The following PRMT8 variants were observed in gnomAD, a reference collection of about 807,000 sequenced individuals.
The protein encoded by PRMT8 is protein arginine N-methyltransferase 8.
A neutral mutation model predicts 47.1 loss-of-function variants in PRMT8; 7 were observed. That is an observed-to-expected ratio of 0.15 (90% CI 0.08 to 0.28). The LOEUF (loss-of-function observed/expected upper bound fraction) is 0.28. Among genes scored for constraint, PRMT8 ranks in the 10% least tolerant of loss-of-function variants. The pLI is 1.00. For missense variants in PRMT8, 237 were observed against 505.4 expected (o/e 0.47, Z 5.09); for synonymous variants, 188 against 186.5 (o/e 1.01, Z -0.07).
chr12:3,509,889 C>T (rs574130562), intron 1 of PRMT8, among the ~76,000 whole-genome samples: 3 of 152,276 alleles, frequency 2.0e-5, no homozygotes, highest in African/African-American at 4.8e-5. Context: ...AACAGATTTT[C>T]GCATAGACAA....
intron 1 of PRMT8, among the ~76,000 whole-genome samples, chr12:3,450,765 A>C (rs1864907675): frequency 6.6e-6 from 1 of 152,238 alleles, no homozygotes; most frequent in African/African-American, 2.4e-5. Flanking sequence ...ACTATTTTAA[A>C]AAGTGTACTC....
chr12:3,528,705 A>G (rs747250194), intron 1 of PRMT8, among the ~76,000 whole-genome samples: 1 of 151,862 alleles, frequency 6.6e-6, no homozygotes, highest in Non-Finnish European at 1.5e-5. Flanking sequence ...CAAGCCTAGT[A>G]ATTTTTGACT....
At chr12:3,389,337 T>C (rs1864170340) in intron 1 of PRMT8, among the ~76,000 whole-genome samples, 2 of 152,126 alleles carry the variant, frequency 1.3e-5, no homozygotes, top group Admixed American at 1.3e-4. Context: ...ATTCCATGCT[T>C]ATCGCGCTGC....
chr12:3,543,541 C>G (rs1271974328), intron 2 of PRMT8, among the ~76,000 whole-genome samples: 1 of 152,180 alleles, frequency 6.6e-6, no homozygotes, highest in East Asian at 1.9e-4. Flanking sequence ...CCCCACCGGC[C>G]TGCTGATTAA....
chr12:3,524,716 C>T (rs1865927561), intron 1 of PRMT8, among the ~76,000 whole-genome samples: 1 of 151,114 alleles, frequency 6.6e-6, no homozygotes, highest in East Asian at 1.9e-4. Flanking sequence ...AAAATTGTGA[C>T]CCCATGTGTC....
intron 1 of PRMT8, among the ~76,000 whole-genome samples, chr12:3,506,067 G>T (rs1312225596): frequency 6.6e-6 from 1 of 152,212 alleles, no homozygotes; most frequent in African/African-American, 2.4e-5. Context: ...AGTTCTGTGT[G>T]GGGGTTAATT....
intron 1 of PRMT8, among the ~76,000 whole-genome samples, chr12:3,530,381 A>G (rs1866011171): frequency 6.6e-6 from 1 of 152,224 alleles, no homozygotes; most frequent in Non-Finnish European, 1.5e-5. Context: ...AAATCTGGTT[A>G]CTAGTCTGAA....
At chr12:3,395,060 C>A (rs1007080778) in intron 1 of PRMT8, among the ~76,000 whole-genome samples, 1 of 150,902 alleles carries the variant, frequency 6.6e-6, no homozygotes, top group Non-Finnish European at 1.5e-5. Context: ...TGGTGATATC[C>A]CCTTTATCAT....
chr12:3,540,146 G>A (rs536602932), intron 1 of PRMT8, among the ~76,000 whole-genome samples: 60 of 152,266 alleles, frequency 3.9e-4, no homozygotes, highest in African/African-American at 1.4e-3. Flanking sequence ...GGAAACTGAG[G>A]CACTGAGAAG....
chr12:3,592,130 G>A (rs984729782), intron 8 of PRMT8, 101 bp from the exon 9 acceptor site: 143 of 1,384,162 alleles, frequency 1.0e-4, no homozygotes, highest in Non-Finnish European at 1.4e-4. Context: ...GTGAGTCCCA[G>A]GGGAAGCCCA....
intron 1 of PRMT8, among the ~76,000 whole-genome samples, chr12:3,434,837 G>A (rs956378279): frequency 2.6e-5 from 4 of 151,548 alleles, no homozygotes; most frequent in African/African-American, 7.3e-5. Context: ...AAGATTGATC[G>A]AAGGGCCTCA....
rs544848551 is a variant in PRMT8, at chr12:3,577,281, C to T, written c.828+295C>T. Among the ~76,000 whole-genome samples the T allele has an allele frequency of 1.3e-3, 195 of 152,314 alleles. 1 individual carries two copies. Among genetic ancestry groups the T allele is most frequent in the African/African-American group, 4.4e-3 (184 of 41,574 alleles). ...GAGAGGGGCATTGCAGGAGAGGACA[C>T]CTGGAAGAGGAGAGCGTGCTCAGGT... On this transcript the variant is annotated intron_variant, in intron 7 of 9. Coordinates refer to ENST00000382622, the MANE Select transcript of PRMT8 (RefSeq NM_019854.5).
chr12:3,504,928 G>A (rs1865593847), intron 1 of PRMT8, among the ~76,000 whole-genome samples: 1 of 73,468 alleles, frequency 1.4e-5, no homozygotes, highest in Non-Finnish European at 2.8e-5. Flanking sequence ...AAGCCGGTCT[G>A]AAAAGCGCAA....
chr12:3,411,260 T>C (rs1169905916), intron 1 of PRMT8, among the ~76,000 whole-genome samples: 1 of 152,196 alleles, frequency 6.6e-6, no homozygotes, highest in Non-Finnish European at 1.5e-5. Flanking sequence ...TCTTCTTGCT[T>C]ATAGAGTCTA....
At chr12:3,496,212 A>ATTTTTTTTT (rs1444249290) in intron 1 of PRMT8, among the ~76,000 whole-genome samples, 15 of 19,390 alleles carry the variant, frequency 7.7e-4, no homozygotes, top group East Asian at 1.5e-3. Flanking sequence ...ATATATATAT[A>ATTTTTTTTT]TATTTTTTTT....
rs370848665 is a variant in PRMT8 at position 3,520,679 on chromosome 12, A to G, written c.76-19927A>G. On this transcript the variant is annotated intron_variant, in intron 1 of 9. Coordinates refer to ENST00000382622, the MANE Select transcript of PRMT8 (RefSeq NM_019854.5). ...TAACTATGCTGTCATCAATGAAAAC[A>G]AACAATCCTTATGTAAAAAAGGTAA... 1.2e-4 allele frequency among the ~76,000 whole-genome samples: 18 copies of G among 152,374 alleles called. No homozygotes were observed. The East Asian group carries it at 1.9e-3, about 16-fold the overall frequency.
intron 2 of PRMT8, 33 bp from the exon 3 acceptor site, chr12:3,549,903 A>G: frequency 6.2e-7 from 1 of 1,609,882 alleles, no homozygotes; most frequent in Non-Finnish European, 8.5e-7. Context: ...TCTTGAATTC[A>G]CTGACATTTC....
chr12:3,441,233 TAAG>T (rs1387929057), intron 1 of PRMT8, among the ~76,000 whole-genome samples: 1 of 150,374 alleles, frequency 6.7e-6, no homozygotes, highest in Non-Finnish European at 1.5e-5. Flanking sequence ...AGTTATGTAT[TAAG>T]AACTTTTTTT....
chr12:3,438,517 T>C (rs1864768484), intron 1 of PRMT8, among the ~76,000 whole-genome samples: 1 of 152,230 alleles, frequency 6.6e-6, no homozygotes, highest in South Asian at 2.1e-4. Context: ...AGCCTCTTCG[T>C]CCTAGGGTCC....
Sources: gnomAD v4.1 joint callset for allele counts (sites outside exome capture counted in the v4.1 genomes callset) on GRCh38, gnomAD v4.1.1 for gene constraint, MANE v1.5 for transcripts, NCBI Gene and HGNC (gene_info 2026-07-23, HGNC 2026-07-21) for gene names.